The following PSG7 variants were observed in gnomAD, a reference collection of about 807,000 sequenced individuals.
The protein encoded by PSG7 is pregnancy-specific beta-1-glycoprotein 7.
A neutral mutation model predicts 45.6 loss-of-function variants in PSG7; 57 were observed. The ratio of observed to expected loss-of-function variants is 1.25; its 90% CI spans 1.01 to 1.56. PSG7 has a LOEUF of 1.56. PSG7 is among the 40% of genes most tolerant of loss of function. The pLI is 0.00. For synonymous variants in PSG7, 298 were observed against 194.4 expected (o/e 1.53, Z -4.43); for missense variants, 796 against 508.4 (o/e 1.57, Z -5.44).
chr19:42,933,299 ATATATATATTTTTTTT>A (rs1973070600), intron 2 of PSG7, among the ~76,000 whole-genome samples: 1 of 14,652 alleles, frequency 6.8e-5, no homozygotes, highest in Non-Finnish European at 1.5e-4. Context: ...ATATATATAT[ATATATATATTTTTTTT>A]TTTTTTTGGT....
chr19:42,925,929 G>C lies in PSG7; in HGVS notation c.1087C>G (p.Gln363Glu), dbSNP rs751735611. ...TTCCCATTAATTGTCCAAGAATACT[G>C]TGCCGGTGGGTTAGAGTCCGCAAAG... ...SCFADSNPPAQYSWTINGKFQ... is the reference protein window; with the variant it reads ...SCFADSNPPAEYSWTINGKFQ... Residue 363 changes from glutamine (Q) to glutamate (E), a missense_variant, in exon 5 of 6, where the codon CAG (glutamine) becomes GAG (glutamate). By Grantham distance (29) the Gln-to-Glu change is conservative. Coordinates refer to ENST00000406070, the MANE Select transcript of PSG7 (RefSeq NM_002783.3). 5.8e-5 allele frequency: 93 copies of C among 1,612,216 alleles called. 4 individuals are homozygous for C. The highest frequency in any genetic ancestry group is 2.8e-4 in the Admixed American group (17 of 59,888).
At position 42,935,570 on chromosome 19, in the gene PSG7, T is replaced by G; in HGVS notation, c.264A>C (p.Ile88=). The G allele has an allele frequency of 6.2e-7, 1 of 1,612,088 alleles. No homozygotes were observed. Among genetic ancestry groups the G allele is most frequent in the Non-Finnish European group, 8.5e-7 (1 of 1,179,050 alleles). The part of the protein sequence containing the change: ...YVTSYIVDGQ[I]IKYGPAYSGR... ...CACTGTATGCAGGCCCATATTTAATTATTTGACCGTCTACTATATATGATG... is the reference window on the plus strand; with the variant it reads ...CACTGTATGCAGGCCCATATTTAATGATTTGACCGTCTACTATATATGATG... Residue 88 remains isoleucine, a synonymous_variant, in exon 2 of 6, where the codon ATA becomes ATC. Coordinates refer to ENST00000406070, the MANE Select transcript of PSG7 (RefSeq NM_002783.3).
intron 1 of PSG7, 84 bp downstream of exon 1, chr19:42,936,929 T>G: frequency 3.2e-6 from 5 of 1,572,706 alleles, no homozygotes; most frequent in Non-Finnish European, 4.3e-6. Context: ...TCTTTTATTT[T>G]TTAGAACCCC....
At chr19:42,936,017 C>T (rs995823266) in intron 1 of PSG7, 17 of 721,862 alleles carry the variant, frequency 2.4e-5, no homozygotes, top group Admixed American at 6.9e-5. Context: ...CTTCAACACT[C>T]CTGACTTTGG....
rs889317876 is a variant in PSG7, at chr19:42,925,267, A to T, written c.1244-443T>A. 40 of 302,724 alleles carry T rather than the reference A, an allele frequency of 1.3e-4. 1 individual carries two copies. Among genetic ancestry groups the T allele is most frequent in the Admixed American group, 2.5e-4 (5 of 20,400 alleles). 18.8% of individuals were successfully genotyped at this position (302,724 alleles called of 1,614,324 possible). A position where few individuals can be genotyped will look rare whatever the true frequency, so the allele number is the denominator to read the frequency against. Reference sequence around the variant, plus strand: ...AAATGTGTCCTGTTACAAAGAGAGCAGGTTGTTACTCTGTTTGTGCAAATA... The same window carrying T: ...AAATGTGTCCTGTTACAAAGAGAGCTGGTTGTTACTCTGTTTGTGCAAATA... On this transcript the variant is annotated intron_variant, in intron 5 of 5. Transcript: ENST00000406070.
At chr19:42,925,334 C>A in intron 5 of PSG7, 2 of 358,444 alleles carry the variant, frequency 5.6e-6, no homozygotes, top group Non-Finnish European at 1.0e-5. Context: ...GAATAGTTGC[C>A]CAATTCTGGG....
In PSG7 at chr19:42,929,888, G is replaced by C. The variant is rs958434910; in HGVS notation, c.431-168C>G. On this transcript the variant is annotated intron_variant, in intron 2 of 5. Transcript: ENST00000406070. ...AGATGCATGGCAATCTGAGGGCTCA[G>C]AGATTGTGAGGCTGCCTGCTTTATG... is the stretch of plus-strand genomic sequence containing the variant. 3.6e-4 allele frequency among the ~76,000 whole-genome samples: 54 copies of C among 151,586 alleles called. 1 individual carries two copies. The highest frequency in any genetic ancestry group is 1.3e-3 in the African/African-American group (54 of 41,212).
At chr19:42,925,319 C>G (rs1192103859) in intron 5 of PSG7, 3 of 352,228 alleles carry the variant, frequency 8.5e-6, no homozygotes, top group Non-Finnish European at 1.5e-5. Flanking sequence ...CATATCAATA[C>G]TCATGAATAG....
chr19:42,935,715 G>C lies in PSG7; in HGVS notation c.119C>G (p.Ala40Gly). ...PPTTAQVTIE[A>G]QPPKVSEGKD... ...CCCCTCGGAAACTTTTGGTGGCTGG[G>C]CTTCAATCGTGACTTGGGCTGTGGT... Residue 40 changes from alanine to glycine, a missense_variant, in exon 2 of 6, where the codon GCC becomes GGC. By Grantham distance (60) the Ala-to-Gly change is moderately conservative. Transcript: ENST00000406070. 1.2e-6 allele frequency: 2 copies of C among 1,611,872 alleles called. No individual in the cohort carries two copies. The highest frequency in any genetic ancestry group is 1.7e-6 in the Non-Finnish European group (2 of 1,179,026).
intron 2 of PSG7, among the ~76,000 whole-genome samples, chr19:42,933,286 TATATATATATA>T (rs1973065412): frequency 3.9e-4 from 4 of 10,346 alleles, no homozygotes; most frequent in African/African-American, 8.6e-4. Context: ...TATATATATA[TATATATATATA>T]TATATATATA....
At chr19:42,929,269 T>C in intron 3 of PSG7, 173 bp downstream of exon 3, 1 of 1,425,112 alleles carries the variant, frequency 7.0e-7, no homozygotes, top group South Asian at 1.4e-5. Context: ...TCTCTTATTG[T>C]GGATCAAGCC....
Position 42,926,653 on chromosome 19 carries a change from G to A in PSG7, c.773C>T (p.Ser258Leu), listed in dbSNP as rs373637874. 113 of 1,610,294 alleles carry A rather than the reference G, an allele frequency of 7.0e-5. 4 individuals carry two copies. Among genetic ancestry groups the A allele is most frequent in the South Asian group, 2.2e-4 (20 of 90,534 alleles). ...NLNPRENKDV[S>L]TFTCEPKSEN... ...ACTCTTAGGTTCACAGGTGAAGGTT[G>A]AGACATCCTTATTCTCCCTGGGGTT... Residue 258 changes from serine (S) to leucine (L), a missense_variant, in exon 4 of 6, where the codon TCA becomes TTA. Transcript: ENST00000406070.
rs559286636 is a variant in PSG7 at position 42,931,971 on chromosome 19, C to T, written c.431-2251G>A. On this transcript the variant is annotated intron_variant, in intron 2 of 5. Coordinates refer to ENST00000406070, the MANE Select transcript of PSG7 (RefSeq NM_002783.3). ...ACATTCTCAAGCTAGGTATTCTTTC[C>T]ACAGCTGTGTGCAGTCTACCAGTAA... is the stretch of plus-strand genomic sequence containing the variant. Among the ~76,000 whole-genome samples the T allele has an allele frequency of 9.0e-4, 136 of 151,566 alleles. 2 individuals carry two copies. The highest frequency in any genetic ancestry group is 3.0e-3 in the African/African-American group (123 of 41,298).
At chr19:42,926,259 T>A in intron 4 of PSG7, 179 bp downstream of exon 4, 4 of 1,418,488 alleles carry the variant, frequency 2.8e-6, no homozygotes, top group Non-Finnish European at 2.8e-6. Flanking sequence ...ATATTCTTGG[T>A]TAAGGCTGTG....
rs148488752 is a variant in PSG7 at position 42,931,710 on chromosome 19, G to T, written c.431-1990C>A. Among the ~76,000 whole-genome samples, 373 of 151,458 alleles carry T rather than the reference G, an allele frequency of 2.5e-3. 11 individuals are homozygous for T. The highest frequency in any genetic ancestry group is 7.4e-3 in the African/African-American group (305 of 41,274). ...CATCATGAGGAAACAGTTGTATGTG[G>T]CACAGGCAGTAAAACCATGAGATAG... On this transcript the variant is annotated intron_variant, in intron 2 of 5. Coordinates refer to ENST00000406070, the MANE Select transcript of PSG7 (RefSeq NM_002783.3).
chr19:42,927,946 T>C (rs188327114), intron 3 of PSG7, among the ~76,000 whole-genome samples: 5 of 151,754 alleles, frequency 3.3e-5, no homozygotes, highest in African/African-American at 1.2e-4. Flanking sequence ...GAAATATTTG[T>C]CATATACTTA....
intron 4 of PSG7, 33 bp downstream of exon 4, chr19:42,926,405 A>T: frequency 6.2e-7 from 1 of 1,608,342 alleles, no homozygotes; most frequent in Non-Finnish European, 8.5e-7. Flanking sequence ...GTCCTGGCCC[A>T]CAGAGGAAGA....
intron 2 of PSG7, among the ~76,000 whole-genome samples, chr19:42,932,052 C>A (rs1973032085): frequency 6.6e-6 from 1 of 151,200 alleles, no homozygotes; most frequent in Non-Finnish European, 1.5e-5. Flanking sequence ...GAGACAGAGT[C>A]TCTCTTTGTC....
rs534072878 is a variant in PSG7 at position 42,931,699 on chromosome 19, A to C, written c.431-1979T>G. 1.6e-4 allele frequency among the ~76,000 whole-genome samples: 25 copies of C among 151,546 alleles called. 1 individual carries two copies. The highest frequency in any genetic ancestry group is 6.1e-4 in the African/African-American group (25 of 41,292). ...GAAAACGGCATCATCATGAGGAAACAGTTGTATGTGGCACAGGCAGTAAAA... is the reference window on the plus strand; with the variant it reads ...GAAAACGGCATCATCATGAGGAAACCGTTGTATGTGGCACAGGCAGTAAAA... On this transcript the variant is annotated intron_variant, in intron 2 of 5. Coordinates refer to ENST00000406070, the MANE Select transcript of PSG7 (RefSeq NM_002783.3).
Sources: gnomAD v4.1 joint callset for allele counts (sites outside exome capture counted in the v4.1 genomes callset) on GRCh38, gnomAD v4.1.1 for gene constraint, MANE v1.5 for transcripts, NCBI Gene and HGNC (gene_info 2026-07-23, HGNC 2026-07-21) for gene names.